Variants in MPP7 observed in about 807,000 individuals in gnomAD.
MPP7 encodes the protein MAGUK p55 subfamily member 7.
In MPP7, 60 loss-of-function variants were observed where a neutral mutation model predicts 76.5. The ratio of observed to expected loss-of-function variants is 0.78; its 90% CI spans 0.64 to 0.97. MPP7 has a LOEUF of 0.97. Among genes scored for constraint, MPP7 ranks in the 50% least tolerant of loss-of-function variants. The pLI is 0.00. For missense variants in MPP7, 641 were observed against 694.0 expected (o/e 0.92, Z 0.86); for synonymous variants, 237 against 244.5 (o/e 0.97, Z 0.29).
chr10:28,265,174 A>G lies in MPP7; in HGVS notation c.-131-26439T>C, dbSNP rs74688891. Among the ~76,000 whole-genome samples the G allele has an allele frequency of 1.6e-3, 247 of 152,318 alleles. 1 individual carries two copies. Among genetic ancestry groups the G allele is most frequent in the African/African-American group, 5.7e-3 (237 of 41,568 alleles). On this transcript the variant is annotated intron_variant, in intron 1 of 16. Transcript: ENST00000683449. ...TGCTGATATTTTTAAAAACAGGTAGACCTGAGTCAACAGGTTAAAGATGCA... is the reference window on the plus strand; with the variant it reads ...TGCTGATATTTTTAAAAACAGGTAGGCCTGAGTCAACAGGTTAAAGATGCA...
upstream of MPP7, among the ~76,000 whole-genome samples, chr10:28,303,756 A>G (rs979078080): frequency 2.6e-5 from 4 of 152,244 alleles, no homozygotes; most frequent in Non-Finnish European, 5.9e-5. Flanking sequence ...TCACAATAGA[A>G]GAAAATACAG....
intron 1 of MPP7, among the ~76,000 whole-genome samples, chr10:28,282,912 T>C (rs1840711922): frequency 6.6e-6 from 1 of 151,950 alleles, no homozygotes; most frequent in Non-Finnish European, 1.5e-5. Context: ...TGTCTCAACC[T>C]GAGGTACGGT....
intron 8 of MPP7, 82 bp downstream of exon 8, chr10:28,123,947 CTA>C (rs1834925213): frequency 1.1e-6 from 1 of 908,332 alleles, no homozygotes; most frequent in South Asian, 1.4e-5. Context: ...CAAATCCTGT[CTA>C]TGTCAAACCA....
chr10:28,261,679 C>G (rs1164546798), intron 1 of MPP7, among the ~76,000 whole-genome samples: 1 of 146,134 alleles, frequency 6.8e-6, no homozygotes, highest in East Asian at 2.2e-4. Flanking sequence ...AGAAACTGAT[C>G]ATACAATATA....
At chr10:28,204,701 G>A (rs571821293) in intron 2 of MPP7, among the ~76,000 whole-genome samples, 5 of 152,286 alleles carry the variant, frequency 3.3e-5, no homozygotes, top group African/African-American at 1.2e-4. Context: ...GGCAAACACG[G>A]TTGTTGTAAG....
intron 5 of MPP7, among the ~76,000 whole-genome samples, chr10:28,146,206 C>G (rs1387532750): frequency 6.6e-6 from 1 of 152,130 alleles, no homozygotes; most frequent in East Asian, 1.9e-4. Context: ...TATTTAACAT[C>G]AAGGAACTTT....
intron 2 of MPP7, among the ~76,000 whole-genome samples, chr10:28,227,720 T>C (rs981494372): frequency 1.2e-4 from 19 of 152,192 alleles, no homozygotes; most frequent in African/African-American, 2.4e-4. Flanking sequence ...CAGTCTATCA[T>C]TGATGGACAT....
intron 1 of MPP7, among the ~76,000 whole-genome samples, chr10:28,277,623 T>C (rs1241568374): frequency 1.3e-5 from 2 of 151,964 alleles, no homozygotes; most frequent in Non-Finnish European, 2.9e-5. Flanking sequence ...TCTGCAAACA[T>C]GATGTTATGC....
At chr10:28,297,954 A>C (rs779045037) in intron 1 of MPP7, among the ~76,000 whole-genome samples, 11 of 152,352 alleles carry the variant, frequency 7.2e-5, no homozygotes, top group Non-Finnish European at 1.6e-4. Context: ...CATTCAGAAG[A>C]AGCAACTCTT....
chr10:28,236,144 A>C (rs1354111571), intron 2 of MPP7, among the ~76,000 whole-genome samples: 1 of 152,216 alleles, frequency 6.6e-6, no homozygotes, highest in Non-Finnish European at 1.5e-5. Context: ...CACTGACTGT[A>C]GATCATTCGG....
At chr10:28,106,119 C>T (rs558816840) in intron 11 of MPP7, among the ~76,000 whole-genome samples, 1 of 152,166 alleles carries the variant, frequency 6.6e-6, no homozygotes, top group African/African-American at 2.4e-5. Context: ...TTTGCTGGGC[C>T]ATGGGATATC....
chr10:28,078,696 T>TGAAG (rs200964004), intron 12 of MPP7, among the ~76,000 whole-genome samples: 2,621 of 152,308 alleles, frequency 0.017, 32 homozygotes, highest in Middle Eastern at 0.054. Context: ...TTGTATTACG[T>TGAAG]GAAGGTCTTG....
chr10:28,161,107 T>A (rs991435211), intron 3 of MPP7, among the ~76,000 whole-genome samples: 1 of 152,232 alleles, frequency 6.6e-6, no homozygotes, highest in Non-Finnish European at 1.5e-5. Flanking sequence ...ATTGGCCCAG[T>A]GCTGCTATTA....
upstream of MPP7, among the ~76,000 whole-genome samples, chr10:28,304,118 G>T (rs1158207141): frequency 6.6e-6 from 1 of 152,182 alleles, no homozygotes; most frequent in African/African-American, 2.4e-5. Context: ...TAGAGACTTT[G>T]AATGGAAAGC....
At chr10:28,310,002 CTT>C (rs770667750) in intron 2 of MPP7, among the ~76,000 whole-genome samples, 33 of 111,230 alleles carry the variant, frequency 3.0e-4, no homozygotes, top group Non-Finnish European at 3.0e-4. Context: ...CCAATTAAAC[CTT>C]TTTTTTTTTT....
At position 28,124,193 on chromosome 10, in the gene MPP7, A is replaced by G. The variant is rs1311362978; in HGVS notation, c.530-77T>C. The G allele has an allele frequency of 6.2e-6, 6 of 967,180 alleles. No homozygotes were observed. The African/African-American group carries it at 9.6e-5, about 15-fold the overall frequency. 59.9% of individuals were successfully genotyped at this position (967,180 alleles called of 1,614,324 possible). A position where few individuals can be genotyped will look rare whatever the true frequency, so the allele number is the denominator to read the frequency against. On this transcript the variant is annotated intron_variant, in intron 7 of 16. Transcript: ENST00000683449. ...GTAATTTGCAGCTGTTTCCATAAGT[A>G]AAGCATTGTTAGGTTCCCTTAATAC...
At chr10:28,204,645 A>C (rs1837890312) in intron 2 of MPP7, among the ~76,000 whole-genome samples, 1 of 152,180 alleles carries the variant, frequency 6.6e-6, no homozygotes. Context: ...TCATAACATC[A>C]ATCTACAATT....
At chr10:28,202,331 A>G in intron 2 of MPP7, 60 bp from the exon 3 acceptor site, 1 of 1,239,588 alleles carries the variant, frequency 8.1e-7, no homozygotes, top group Non-Finnish European at 1.2e-6. Flanking sequence ...AATTTCGCCT[A>G]AGGTGTGTGT....
At chr10:28,153,273 A>G (rs1470199263) in intron 3 of MPP7, among the ~76,000 whole-genome samples, 1 of 152,150 alleles carries the variant, frequency 6.6e-6, no homozygotes, top group Non-Finnish European at 1.5e-5. Context: ...AACAAAAAAA[A>G]AGTATACTTC....
Sources: allele counts gnomAD v4.1 joint callset (sites outside exome capture counted in the v4.1 genomes callset), GRCh38; gene constraint gnomAD v4.1.1; transcripts MANE v1.5; gene names NCBI Gene and HGNC (gene_info 2026-07-23, HGNC 2026-07-21).